GPR180: variants seen among roughly 807,000 people sequenced by gnomAD.
The protein encoded by GPR180 is G protein-coupled receptor 180, also known as integral membrane protein GPR180.
Under a neutral mutation model 52.6 loss-of-function variants are expected in GPR180, and 53 were observed. That is an observed-to-expected ratio of 1.01 (90% CI 0.81 to 1.27). GPR180 has a LOEUF of 1.27. Among genes scored for constraint, GPR180 ranks in the 50% most tolerant of loss-of-function variants. The probability of loss-of-function intolerance (pLI) is 0.00; values close to 1 mark genes in which losing one functional copy is unlikely to be tolerated. For synonymous variants in GPR180, 200 were observed against 193.1 expected (o/e 1.04, Z -0.30); for missense variants, 533 against 527.0 (o/e 1.01, Z -0.11).
chr13:94,624,700 G>A (rs987437566), intron 7 of GPR180, among the ~76,000 whole-genome samples: 5 of 151,886 alleles, frequency 3.3e-5, no homozygotes, highest in African/African-American at 1.2e-4. Context: ...TCGCGCCCAC[G>A]CCCGGCTAAG....
chr13:94,619,073 C>A, intron 3 of GPR180, 77 bp from the exon 4 acceptor site: 2 of 1,090,104 alleles, frequency 1.8e-6, no homozygotes, highest in Non-Finnish European at 1.3e-6. Context: ...AATATATTGA[C>A]AGGGAGATTT....
In GPR180 at chr13:94,621,178, C is replaced by G. The variant is rs1889847293; in HGVS notation, c.837C>G (p.Leu279=). 10 of 1,611,642 alleles carry G rather than the reference C, an allele frequency of 6.2e-6. No individual in the cohort carries two copies. The highest frequency in any genetic ancestry group is 8.5e-6 in the Non-Finnish European group (10 of 1,179,392). Residue 279 remains leucine (L), a synonymous_variant, in exon 6 of 9, where the codon CTC becomes CTG. Transcript: ENST00000376958. ...TGAAGAAGTCTCAAAGCAGACCTCT[C>G]CAGTGGGATTCTACGCCTGCATCCA... The part of the protein sequence containing the change: ...VRMKKSQSRP[L]QWDSTPASTG...
rs1358143373 is a variant in GPR180 at position 94,616,960 on chromosome 13, G to A, written c.506-2190G>A. 2.0e-5 allele frequency among the ~76,000 whole-genome samples: 3 copies of A among 152,272 alleles called. No homozygotes were observed. In the East Asian group the frequency reaches 5.8e-4, roughly 29 times the overall value. ...CTAAAATTCAGTGAATAAAGTGTGG[G>A]ACAGACCCAGTTCAATTTGTTTAAT... On this transcript the variant is annotated intron_variant, in intron 3 of 8. Transcript: ENST00000376958.
chr13:94,612,931 A>G (rs1022911726), intron 3 of GPR180, among the ~76,000 whole-genome samples: 2 of 152,170 alleles, frequency 1.3e-5, no homozygotes, highest in Non-Finnish European at 2.9e-5. Flanking sequence ...CAATTTAGGG[A>G]TGATCAGAGT....
rs1321242607 is a variant in GPR180, at chr13:94,625,980, GT to G, written c.1106del (p.Leu369TyrfsTer24). On this transcript the variant is annotated frameshift_variant, in exon 8 of 9. Coordinates refer to ENST00000376958, the MANE Select transcript of GPR180 (RefSeq NM_180989.6). LOFTEE classifies it high-confidence loss of function. ...ITFAKGCILW[F>X]LCHPVLACIS... The stretch of plus-strand genomic sequence containing the variant: ...CTTTGTTTCAGGGCTGTATCTTGTG[GT>G]TTTTATGCCATCCAGTTCTTGCATG... 5 of 1,611,616 alleles carry G rather than the reference GT, an allele frequency of 3.1e-6. No individual in the cohort carries two copies. The highest frequency in any genetic ancestry group is 4.2e-6 in the Non-Finnish European group (5 of 1,178,544).
At chr13:94,609,161 G>C (rs897478401) in intron 2 of GPR180, among the ~76,000 whole-genome samples, 6 of 152,032 alleles carry the variant, frequency 3.9e-5, no homozygotes, top group Admixed American at 3.9e-4. Flanking sequence ...TTGTAGTTTG[G>C]TATATTTTAT....
rs560989785 is a variant in GPR180 at position 94,632,424 on chromosome 13, A to C, written c.*5253A>C. ...ATAACATACAGACTTTTGCACATTC[A>C]GCAATTTATTCTGTAGCCTTACCTA... On this transcript the variant is annotated 3_prime_UTR_variant, in exon 9 of 9. Transcript: ENST00000376958. 3 of 152,342 alleles carry C rather than the reference A, an allele frequency of 2.0e-5. No homozygotes were observed. The highest frequency in any genetic ancestry group is 7.2e-5 in the African/African-American group (3 of 41,586). 9.4% of individuals were successfully genotyped at this position (152,342 alleles called of 1,614,324 possible). A position where few individuals can be genotyped will look rare whatever the true frequency, so the allele number is the denominator to read the frequency against.
At chr13:94,613,467 T>G (rs1889738868) in intron 3 of GPR180, among the ~76,000 whole-genome samples, 1 of 152,198 alleles carries the variant, frequency 6.6e-6, no homozygotes, top group African/African-American at 2.4e-5. Context: ...ATTTTTATTT[T>G]TTAGAGACGG....
chr13:94,604,319 G>T (rs1033091550), intron 1 of GPR180, among the ~76,000 whole-genome samples: 2 of 148,350 alleles, frequency 1.3e-5, no homozygotes, highest in Non-Finnish European at 3.0e-5. Flanking sequence ...GGGCAATAGG[G>T]CGAGAATATG....
intron 2 of GPR180, among the ~76,000 whole-genome samples, chr13:94,606,305 A>G (rs1889629973): frequency 6.6e-6 from 1 of 152,190 alleles, no homozygotes; most frequent in African/African-American, 2.4e-5. Context: ...CAAAAAAGTC[A>G]CTTTGAGATG....
chr13:94,630,326 A>G lies in GPR180; in HGVS notation c.*3155A>G, dbSNP rs1026527344. On this transcript the variant is annotated 3_prime_UTR_variant, in exon 9 of 9. Transcript: ENST00000376958. ...AAGCCTGGAGGTGAGGAAAGAAGTGATCCTGCCCACTAGGGCCATTCTCCA... is the reference window on the plus strand; with the variant it reads ...AAGCCTGGAGGTGAGGAAAGAAGTGGTCCTGCCCACTAGGGCCATTCTCCA... The G allele has an allele frequency of 1.3e-5, 2 of 152,258 alleles. No homozygotes were observed. The highest frequency in any genetic ancestry group is 2.4e-5 in the African/African-American group (1 of 41,462). 9.4% of individuals were successfully genotyped at this position (152,258 alleles called of 1,614,324 possible). A position where few individuals can be genotyped will look rare whatever the true frequency, so the allele number is the denominator to read the frequency against.
intron 2 of GPR180, 104 bp downstream of exon 2, chr13:94,605,653 TCCCA>T: frequency 1.1e-6 from 1 of 910,324 alleles, no homozygotes. Flanking sequence ...GACAGCATAA[TCCCA>T]CTGTGATGAC....
At position 94,630,513 on chromosome 13, in the gene GPR180, C is replaced by T. The variant is rs1007642098; in HGVS notation, c.*3342C>T. ...CAAACTACTACTTCCCTGACAAAAACCCTCCATGTGCCTCTCATTGCACTT... is the reference window on the plus strand; with the variant it reads ...CAAACTACTACTTCCCTGACAAAAATCCTCCATGTGCCTCTCATTGCACTT... On this transcript the variant is annotated 3_prime_UTR_variant, in exon 9 of 9. Coordinates refer to ENST00000376958, the MANE Select transcript of GPR180 (RefSeq NM_180989.6). 3 of 152,230 alleles carry T rather than the reference C, an allele frequency of 2.0e-5. No individual in the cohort carries two copies. The highest frequency in any genetic ancestry group is 1.3e-4 in the Admixed American group (2 of 15,286). The allele number at this position is 152,230 out of a possible 1,614,324, so 9.4% of individuals were successfully genotyped here.
At position 94,630,986 on chromosome 13, in the gene GPR180, A is replaced by G. The variant is rs1400967291; in HGVS notation, c.*3815A>G. On this transcript the variant is annotated 3_prime_UTR_variant, in exon 9 of 9. Coordinates refer to ENST00000376958, the MANE Select transcript of GPR180 (RefSeq NM_180989.6). ...TGTAAGAGGAAGGGCCAGACAAGGC[A>G]CAAGGCACAAGGCACTGTTGCAGCT... 1 of 152,264 alleles carries G rather than the reference A, an allele frequency of 6.6e-6. No homozygotes were observed. Among genetic ancestry groups the G allele is most frequent in the South Asian group, 2.1e-4 (1 of 4,830 alleles). The allele number at this position is 152,264 out of a possible 1,614,324, so 9.4% of individuals were successfully genotyped here.
rs138173803 is a variant in GPR180 at position 94,624,613 on chromosome 13, A to G, written c.1086+1313A>G. 5.0e-3 allele frequency among the ~76,000 whole-genome samples: 767 copies of G among 152,376 alleles called. 5 individuals are homozygous for G. The highest frequency in any genetic ancestry group is 0.02 in the Middle Eastern group (6 of 294). On this transcript the variant is annotated intron_variant, in intron 7 of 8. Coordinates refer to ENST00000376958, the MANE Select transcript of GPR180 (RefSeq NM_180989.6). The stretch of plus-strand genomic sequence containing the variant: ...CGCTCTATCGCCCAGGCTGGAGTGC[A>G]GTGGCGTGATCTCGGCTCACTGCAA...
intron 1 of GPR180, among the ~76,000 whole-genome samples, chr13:94,602,866 C>T (rs1320047712): frequency 6.6e-6 from 1 of 152,132 alleles, no homozygotes; most frequent in African/African-American, 2.4e-5. Flanking sequence ...CTTAATTTGA[C>T]TAGTGCTGTA....
At position 94,617,468 on chromosome 13, in the gene GPR180, T is replaced by G. The variant is rs116578178; in HGVS notation, c.506-1682T>G. Among the ~76,000 whole-genome samples the G allele has an allele frequency of 3.6e-3, 546 of 152,310 alleles. 3 individuals carry two copies. The highest frequency in any genetic ancestry group is 0.013 in the African/African-American group (526 of 41,550). On this transcript the variant is annotated intron_variant, in intron 3 of 8. Coordinates refer to ENST00000376958, the MANE Select transcript of GPR180 (RefSeq NM_180989.6). The stretch of plus-strand genomic sequence containing the variant: ...CTGGAATGCTTTTCTATGTAAGGTG[T>G]TTAAAAAGAAAATATGTTCTTTCTT...
Position 94,619,238 on chromosome 13 carries a change from A to G in GPR180, c.594A>G (p.Lys198=). Residue 198 remains lysine, a synonymous_variant, in exon 4 of 9, where the codon AAA becomes AAG. Transcript: ENST00000376958. ...YAQSLWQAIK[K]GGPMHMILKV... is the part of the protein sequence containing the mutation. Reference sequence around the variant, plus strand: ...AATCATTGTGGCAGGCTATTAAGAAAGGCGGACCCATGCACATGATTTTAA... The same window carrying G: ...AATCATTGTGGCAGGCTATTAAGAAGGGCGGACCCATGCACATGATTTTAA... 1.9e-6 allele frequency: 3 copies of G among 1,614,182 alleles called. No homozygotes were observed. Among genetic ancestry groups the G allele is most frequent in the Non-Finnish European group, 2.5e-6 (3 of 1,180,022 alleles).
At chr13:94,612,911 A>T (rs1380150044) in intron 3 of GPR180, among the ~76,000 whole-genome samples, 2 of 151,436 alleles carry the variant, frequency 1.3e-5, no homozygotes, top group African/African-American at 2.5e-5. Flanking sequence ...GCCTTCATTG[A>T]AGCTTACAAC....
Sources: gnomAD v4.1 joint callset for allele counts (sites outside exome capture counted in the v4.1 genomes callset) on GRCh38, gnomAD v4.1.1 for gene constraint, MANE v1.5 for transcripts, NCBI Gene and HGNC (gene_info 2026-07-23, HGNC 2026-07-21) for gene names.